Variants in EDN1 observed in about 807,000 individuals in gnomAD.
EDN1 encodes endothelin-1.
EDN1 carries 11 observed loss-of-function variants against 21.7 expected under a neutral mutation model. The ratio of observed to expected loss-of-function variants is 0.51; its 90% CI spans 0.32 to 0.84. EDN1 has a LOEUF of 0.84. EDN1 is among the 40% of genes least tolerant of loss of function. The pLI is 0.03. For missense variants in EDN1, 244 were observed against 262.3 expected (o/e 0.93, Z 0.48); for synonymous variants, 85 against 90.6 (o/e 0.94, Z 0.35).
At chr6:12,237,327 G>A in the EDN1 span, among the ~76,000 whole-genome samples, 12 of 152,080 alleles carry the variant, frequency 7.9e-5, no homozygotes, top group East Asian at 1.9e-4. Context: ...CATTATCCAC[G>A]CTTATCTCAA....
chr6:12,252,101 T>A, the EDN1 span, among the ~76,000 whole-genome samples: 1 of 152,234 alleles, frequency 6.6e-6, no homozygotes, highest in Non-Finnish European at 1.5e-5. Flanking sequence ...ATTAACAGCA[T>A]CCTTTTAGGT....
At chr6:12,271,946 T>C in the EDN1 span, among the ~76,000 whole-genome samples, 1 of 152,234 alleles carries the variant, frequency 6.6e-6, no homozygotes, top group Non-Finnish European at 1.5e-5. Flanking sequence ...ATAGAAATTC[T>C]TGTGTATGTG....
chr6:12,272,430 A>G, the EDN1 span, among the ~76,000 whole-genome samples: 1 of 151,232 alleles, frequency 6.6e-6, no homozygotes, highest in Non-Finnish European at 1.5e-5. Context: ...ATAAGTTTAC[A>G]TAATAATTAT....
the EDN1 span, among the ~76,000 whole-genome samples, chr6:12,263,618 A>T: frequency 2.6e-5 from 4 of 152,142 alleles, no homozygotes; most frequent in Admixed American, 2.0e-4. Context: ...CACCACCATA[A>T]ATCAACTTGG....
the EDN1 span, among the ~76,000 whole-genome samples, chr6:12,234,427 T>C: frequency 6.6e-6 from 1 of 152,202 alleles, no homozygotes; most frequent in Non-Finnish European, 1.5e-5. Flanking sequence ...TAGATATGTA[T>C]AGTAAGTAGC....
chr6:12,294,602 TG>T (rs886430258), intron 4 of EDN1, among the ~76,000 whole-genome samples, 198 bp downstream of exon 4: 249 of 152,360 alleles, frequency 1.6e-3, no homozygotes, highest in African/African-American at 5.8e-3. Context: ...CATGAAGCTC[TG>T]GAATGCAAAC....
chr6:12,271,232 G>A, the EDN1 span, among the ~76,000 whole-genome samples: 6,176 of 151,676 alleles, frequency 0.041, 374 homozygotes, highest in African/African-American at 0.13. Flanking sequence ...ATTGTTTTCC[G>A]GTTGTTTTGT....
At chr6:12,272,624 A>T in the EDN1 span, among the ~76,000 whole-genome samples, 4 of 143,900 alleles carry the variant, frequency 2.8e-5, no homozygotes, top group Admixed American at 1.4e-4. Context: ...TGCCCAGCTA[A>T]TTTTTTTTTT....
chr6:12,270,179 A>G, the EDN1 span, among the ~76,000 whole-genome samples: 2 of 151,904 alleles, frequency 1.3e-5, no homozygotes, highest in Non-Finnish European at 2.9e-5. Flanking sequence ...TCTTTATTTC[A>G]TAGTTAGTCT....
chr6:12,235,960 A>G, the EDN1 span, among the ~76,000 whole-genome samples: 1 of 152,228 alleles, frequency 6.6e-6, no homozygotes, highest in Non-Finnish European at 1.5e-5. Flanking sequence ...TAACAGGGCT[A>G]TCCTGAATAC....
At position 12,294,296 on chromosome 6, in the gene EDN1, A is replaced by G. The variant is rs1762767268; in HGVS notation, c.425A>G (p.His142Arg). 2 of 1,614,138 alleles carry G rather than the reference A, an allele frequency of 1.2e-6. No individual in the cohort carries two copies. The highest frequency in any genetic ancestry group is 1.3e-5 in the African/African-American group (1 of 74,950). Residue 142 changes from histidine to arginine, a missense_variant, in exon 4 of 5, where the codon CAT becomes CGT. By Grantham distance (29) the His-to-Arg change is conservative. Transcript: ENST00000379375. ...EDIMEKDWNN[H>R]KKGKDCSKLG... ...ATTATGGAGAAAGACTGGAATAATC[A>G]TAAGAAAGGAAAAGACTGTTCCAAG... is the stretch of plus-strand genomic sequence containing the variant.
At chr6:12,265,894 C>G in the EDN1 span, among the ~76,000 whole-genome samples, 1 of 152,320 alleles carries the variant, frequency 6.6e-6, no homozygotes, top group East Asian at 1.9e-4. Context: ...AAAAAGTCTA[C>G]AGTTGCGATG....
At chr6:12,262,669 C>G in the EDN1 span, among the ~76,000 whole-genome samples, 1 of 151,926 alleles carries the variant, frequency 6.6e-6, no homozygotes, top group African/African-American at 2.4e-5. Context: ...ATTAGGAGGT[C>G]GAAACCAGCC....
chr6:12,287,722 A>T (rs1186798508), upstream of EDN1, among the ~76,000 whole-genome samples: 8,860 of 128,100 alleles, frequency 0.069, 301 homozygotes, highest in Admixed American at 0.094. Context: ...TCACACACAC[A>T]CACACACACA....
chr6:12,248,147 G>T, the EDN1 span, among the ~76,000 whole-genome samples: 1 of 152,108 alleles, frequency 6.6e-6, no homozygotes, highest in African/African-American at 2.4e-5. Flanking sequence ...TCGAGGGAAA[G>T]AAAAGGCAAA....
chr6:12,264,142 T>C, the EDN1 span, among the ~76,000 whole-genome samples: 1 of 152,188 alleles, frequency 6.6e-6, no homozygotes, highest in East Asian at 1.9e-4. Context: ...ATTTTTCCTA[T>C]GGGTAGGTCT....
upstream of EDN1, among the ~76,000 whole-genome samples, chr6:12,288,378 C>T (rs1355499919): frequency 3.3e-5 from 5 of 152,194 alleles, no homozygotes; most frequent in Admixed American, 6.5e-5. Context: ...CCAAGGTCGG[C>T]TTTGGAGAGG....
the EDN1 span, among the ~76,000 whole-genome samples, chr6:12,242,507 G>A: frequency 6.6e-6 from 1 of 152,142 alleles, no homozygotes; most frequent in Non-Finnish European, 1.5e-5. Flanking sequence ...CTATAAAATA[G>A]GTCTCTATAT....
At chr6:12,273,128 A>C in the EDN1 span, among the ~76,000 whole-genome samples, 1 of 152,186 alleles carries the variant, frequency 6.6e-6, no homozygotes, top group Admixed American at 6.5e-5. Flanking sequence ...AGCACAGAGG[A>C]GGGACCTCTT....
Sources: gnomAD v4.1 joint callset for allele counts (sites outside exome capture counted in the v4.1 genomes callset) on GRCh38, gnomAD v4.1.1 for gene constraint, MANE v1.5 for transcripts, NCBI Gene and HGNC (gene_info 2026-07-23, HGNC 2026-07-21) for gene names.